The following MORC3 variants were observed in gnomAD, a reference collection of about 807,000 sequenced individuals.
The protein encoded by MORC3 is MORC family CW-type zinc finger protein 3.
Under a neutral mutation model 109.1 loss-of-function variants are expected in MORC3, and 31 were observed. That is an observed-to-expected ratio of 0.28 (90% CI 0.21 to 0.38). MORC3 has a LOEUF of 0.38. MORC3 is among the 10% of genes least tolerant of loss of function. The pLI is 1.00. For synonymous variants in MORC3, 395 were observed against 380.7 expected (o/e 1.04, Z -0.44); for missense variants, 867 against 1,135.8 (o/e 0.76, Z 3.40).
At chr21:36,356,818 C>A in intron 10 of MORC3, 94 bp downstream of exon 10, 3 of 715,692 alleles carry the variant, frequency 4.2e-6, no homozygotes, top group Non-Finnish European at 4.4e-6. Flanking sequence ...AAACTTAGGA[C>A]TGTAACTCAT....
At chr21:36,339,254 G>A (rs2085409255) in intron 5 of MORC3, 1 of 169,392 alleles carries the variant, frequency 5.9e-6, no homozygotes. Context: ...CGAGTAGCTG[G>A]GATTACAGTC....
rs756798979 is a variant in MORC3 at position 36,345,042 on chromosome 21, T to A, written c.1005+11T>A. 1 of 1,578,414 alleles carries A rather than the reference T, an allele frequency of 6.3e-7. No individual in the cohort carries two copies. Among genetic ancestry groups the A allele is most frequent in the Non-Finnish European group, 8.6e-7 (1 of 1,169,360 alleles). On this transcript the variant is annotated intron_variant, in intron 8 of 16. Transcript: ENST00000400485. ...GGATGTCAGTTAAGGGTAAGCTTTA[T>A]TTTTTATTTGAAAAGAAAATGTCTA...
At chr21:36,361,963 C>A in intron 12 of MORC3, 1 of 589,888 alleles carries the variant, frequency 1.7e-6, no homozygotes. Context: ...AAAAAAACAC[C>A]AAAGATCTGC....
At position 36,369,595 on chromosome 21, in the gene MORC3, A is replaced by G. The variant is rs1485404209; in HGVS notation, c.2227A>G (p.Thr743Ala). The stretch of plus-strand genomic sequence containing the variant: ...GAATGACAAGTATGTTAAGAAAGAA[A>G]CTTGCCATCAGTCCACTGAAACCGA... ...EMNDKYVKKE[T>A]CHQSTETDAV... The change falls in exon 15 of 17, where the codon ACT becomes GCT. Residue 743 changes from threonine (T) to alanine (A), a missense_variant. Physicochemically the swap from Thr to Ala is moderately conservative, Grantham distance 58. Coordinates refer to ENST00000400485, the MANE Select transcript of MORC3 (RefSeq NM_015358.3). The G allele has an allele frequency of 6.2e-7, 1 of 1,614,214 alleles. No homozygotes were observed. Among genetic ancestry groups the G allele is most frequent in the South Asian group, 1.1e-5 (1 of 91,082 alleles).
At chr21:36,341,613 A>G in intron 6 of MORC3, 67 bp downstream of exon 6, 2 of 1,588,126 alleles carry the variant, frequency 1.3e-6, no homozygotes, top group Non-Finnish European at 1.7e-6. Context: ...AGGAGAGGTC[A>G]TGTTACCTGC....
chr21:36,331,544 G>A (rs1211114741), intron 1 of MORC3, among the ~76,000 whole-genome samples: 1 of 152,164 alleles, frequency 6.6e-6, no homozygotes, highest in Non-Finnish European at 1.5e-5. Context: ...GGAGCTTGCA[G>A]TGAGCTGAGA....
At chr21:36,364,347 C>CATTGTAGGTTCCATTGTGA (rs1207675943) in intron 14 of MORC3, 88 bp downstream of exon 14, 1 of 1,362,142 alleles carries the variant, frequency 7.3e-7, no homozygotes, top group South Asian at 1.3e-5. Flanking sequence ...AATTCGGGAT[C>CATTGTAGGTTCCATTGTGA]ATTGTAGGTT....
At position 36,369,285 on chromosome 21, in the gene MORC3, T is replaced by C. The variant is rs2085821313; in HGVS notation, c.1917T>C (p.Ala639=). 2.5e-6 allele frequency: 4 copies of C among 1,614,020 alleles called. No individual in the cohort carries two copies. The highest frequency in any genetic ancestry group is 3.4e-6 in the Non-Finnish European group (4 of 1,180,040). The change falls in exon 15 of 17, where the codon GCT becomes GCC. Residue 639 remains alanine (A), a synonymous_variant. Transcript: ENST00000400485. Reference sequence around the variant, plus strand: ...GATGCGACCAGGGAAATACTGCAGCTACCCAGACTGAAGTACCAAGTTTAG... The same window carrying C: ...GATGCGACCAGGGAAATACTGCAGCCACCCAGACTGAAGTACCAAGTTTAG... ...SSRCDQGNTA[A]TQTEVPSLVV...
intron 14 of MORC3, among the ~76,000 whole-genome samples, chr21:36,368,493 AAG>A (rs952212296): frequency 2.6e-4 from 40 of 152,216 alleles, no homozygotes; most frequent in African/African-American, 9.6e-4. Context: ...CATCTGTAAA[AAG>A]AGAAAATAAT....
chr21:36,359,556 C>CTTTTTTTTTTTT (rs5843757), intron 10 of MORC3, among the ~76,000 whole-genome samples: 1 of 93,936 alleles, frequency 1.1e-5, no homozygotes, highest in Admixed American at 1.4e-4. Flanking sequence ...CTTTCCTCTC[C>CTTTTTTTTTTTT]TTTTTTTTTT....
rs115513082 is a variant in MORC3 at position 36,326,403 on chromosome 21, G to A, written c.39+6100G>A. Reference sequence around the variant, plus strand: ...TAGCCGGGCATGGTGACACACAACCGTGGTCCCAGCTACTCCAGAGGCTGA... The same window carrying A: ...TAGCCGGGCATGGTGACACACAACCATGGTCCCAGCTACTCCAGAGGCTGA... On this transcript the variant is annotated intron_variant, in intron 1 of 16. Coordinates refer to ENST00000400485, the MANE Select transcript of MORC3 (RefSeq NM_015358.3). 6.1e-3 allele frequency among the ~76,000 whole-genome samples: 928 copies of A among 152,032 alleles called. 9 individuals are homozygous for A. Among genetic ancestry groups the A allele is most frequent in the African/African-American group, 0.021 (888 of 41,434 alleles).
intron 16 of MORC3, among the ~76,000 whole-genome samples, chr21:36,373,366 G>A (rs961049473): frequency 2.7e-5 from 4 of 148,926 alleles, no homozygotes; most frequent in Non-Finnish European, 4.5e-5. Flanking sequence ...CCTCATGCTT[G>A]TAATCCCAGC....
intron 1 of MORC3, among the ~76,000 whole-genome samples, chr21:36,322,681 C>G (rs962099972): frequency 6.6e-6 from 1 of 152,168 alleles, no homozygotes; most frequent in Non-Finnish European, 1.5e-5. Context: ...CCAATGTATA[C>G]ACATTTTAAA....
At chr21:36,338,008 CTA>C (rs2146299931) in intron 4 of MORC3, 62 bp downstream of exon 4, 1 of 1,548,384 alleles carries the variant, frequency 6.5e-7, no homozygotes, top group Non-Finnish European at 8.9e-7. Context: ...TGGAAACATT[CTA>C]TGTTTTTGCC....
Position 36,369,404 on chromosome 21 carries a change from A to G in MORC3, c.2036A>G (p.His679Arg), listed in dbSNP as rs1454390089. 2.5e-6 allele frequency: 4 copies of G among 1,614,186 alleles called. No individual in the cohort carries two copies. The East Asian group carries it at 8.9e-5, about 36-fold the overall frequency. The change falls in exon 15 of 17, where the codon CAT becomes CGT. Residue 679 changes from histidine to arginine, a missense_variant. Transcript: ENST00000400485. Reference protein sequence around the residue: ...PSCVEAEAKIHETQETTDKSA... With the variant: ...PSCVEAEAKIRETQETTDKSA... ...TGTGTAGAAGCTGAAGCAAAGATAC[A>G]TGAAACCCAGGAAACCACCGATAAA...
chr21:36,333,714 A>G lies in MORC3; in HGVS notation c.108A>G (p.Leu36=). The change falls in exon 2 of 17, where the codon TTA becomes TTG. Residue 36 remains leucine (L), a synonymous_variant. Coordinates refer to ENST00000400485, the MANE Select transcript of MORC3 (RefSeq NM_015358.3). ...GGCCATTCAGTGCAGTTGCTGAATT[A>G]ATAGGTATGTAGTTTGACATTTCAT... ...HTWPFSAVAE[L]IDNAYDPDVN... 6.2e-7 allele frequency: 1 copy of G among 1,606,706 alleles called. No homozygotes were observed. Among genetic ancestry groups the G allele is most frequent in the Non-Finnish European group, 8.5e-7 (1 of 1,173,640 alleles).
At chr21:36,328,630 C>T (rs938377283) in intron 1 of MORC3, among the ~76,000 whole-genome samples, 23 of 151,970 alleles carry the variant, frequency 1.5e-4, no homozygotes, top group African/African-American at 3.1e-4. Flanking sequence ...CATGAGCCAC[C>T]GCGCCTGGCC....
chr21:36,325,350 G>A (rs918721766), intron 1 of MORC3, among the ~76,000 whole-genome samples: 9 of 152,182 alleles, frequency 5.9e-5, no homozygotes, highest in Non-Finnish European at 1.2e-4. Context: ...CTCCTGCCAT[G>A]GCATAATTCT....
At chr21:36,372,068 C>A (rs1039394170) in intron 15 of MORC3, among the ~76,000 whole-genome samples, 5 of 152,096 alleles carry the variant, frequency 3.3e-5, no homozygotes, top group African/African-American at 1.2e-4. Flanking sequence ...CCACCTCAGC[C>A]TCCCAAAGTG....
Sources: gnomAD v4.1 joint callset for allele counts (sites outside exome capture counted in the v4.1 genomes callset) on GRCh38, gnomAD v4.1.1 for gene constraint, MANE v1.5 for transcripts, NCBI Gene and HGNC (gene_info 2026-07-23, HGNC 2026-07-21) for gene names.